NAV2: variants seen among roughly 807,000 people sequenced by gnomAD.
NAV2 encodes neuron navigator 2, also known as helicase, APC down-regulated 1.
A neutral mutation model predicts 223.2 loss-of-function variants in NAV2; 54 were observed. The ratio of observed to expected loss-of-function variants is 0.24; its 90% confidence interval spans 0.19 to 0.30. The LOEUF (loss-of-function observed/expected upper bound fraction) is 0.30, where lower values mean the gene tolerates loss of function less well. Among genes scored for constraint, NAV2 ranks in the 10% least tolerant of loss-of-function variants. The probability of loss-of-function intolerance (pLI) is 1.00; values close to 1 mark genes in which losing one functional copy is unlikely to be tolerated. For synonymous variants in NAV2, 1,279 were observed against 1,239.3 expected (o/e 1.03, Z -0.67); for missense variants, 2,806 against 3,147.5 (o/e 0.89, Z 2.60).
intron 6 of NAV2, among the ~76,000 whole-genome samples, chr11:19,921,600 A>G (rs2707099): frequency 0.99 from 150,433 of 152,360 alleles, 74,291 homozygotes; most frequent in Middle Eastern, 1. Flanking sequence ...TATATCTTGT[A>G]CCCAGAGAAA....
intron 11 of NAV2, among the ~76,000 whole-genome samples, chr11:20,026,353 C>T (rs1020973198): frequency 7.2e-5 from 11 of 151,910 alleles, no homozygotes; most frequent in African/African-American, 2.7e-4. Context: ...CTCTGTCACC[C>T]AGGCTGGAGT....
At chr11:19,902,650 T>C (rs1269975725) in intron 6 of NAV2, among the ~76,000 whole-genome samples, 2 of 152,212 alleles carry the variant, frequency 1.3e-5, no homozygotes, top group Non-Finnish European at 2.9e-5. Context: ...GTGGAAACTA[T>C]CACACATACA....
chr11:20,091,831 T>A (rs186157748), intron 27 of NAV2, among the ~76,000 whole-genome samples: 1 of 152,318 alleles, frequency 6.6e-6, no homozygotes, highest in African/African-American at 2.4e-5. Flanking sequence ...TGTGCCTCTG[T>A]TCAATTCATG....
chr11:19,884,313 T>G (rs2063401061), intron 5 of NAV2: 1 of 1,613,884 alleles, frequency 6.2e-7, no homozygotes, highest in Non-Finnish European at 8.5e-7. Flanking sequence ...CAAGGACTCA[T>G]CTCAAAGCAA....
In NAV2 at chr11:19,933,183, G is replaced by A; in HGVS notation, c.939G>A (p.Leu313=). 6.5e-7 allele frequency: 1 copy of A among 1,529,854 alleles called. No homozygotes were observed. Among genetic ancestry groups the A allele is most frequent in the Non-Finnish European group, 8.8e-7 (1 of 1,136,748 alleles). The allele number at this position is 1,529,854 out of a possible 1,614,324, so 94.8% of individuals were successfully genotyped here. Residue 313 remains leucine, a synonymous_variant, in exon 7 of 38, where the codon TTG becomes TTA. Coordinates refer to ENST00000349880, the MANE Select transcript of NAV2 (RefSeq NM_145117.5). The surrounding 1 kb of genome is among the most constrained non-coding windows in gnomAD (Gnocchi z 4.3). ...PPPSSHEKEP[L]ASSASSHPGM... ...TCTCTTCTGTCTCTGCAGAGCCTTT[G>A]GCAAGTTCAGCCTCCTCCCACCCCG... is the stretch of plus-strand genomic sequence containing the variant.
At chr11:19,549,322 C>T (rs1053159273) in intron 1 of NAV2, among the ~76,000 whole-genome samples, 1 of 152,166 alleles carries the variant, frequency 6.6e-6, no homozygotes, top group South Asian at 2.1e-4. Flanking sequence ...TGGAGCCACT[C>T]GGGAGGCTGC....
intron 1 of NAV2, among the ~76,000 whole-genome samples, chr11:19,545,536 C>T (rs544327234): frequency 7.9e-4 from 121 of 152,216 alleles, no homozygotes; most frequent in Middle Eastern, 3.4e-3. Flanking sequence ...AAATGGGAGT[C>T]AGTTTCTCAT....
intron 1 of NAV2, among the ~76,000 whole-genome samples, chr11:19,586,881 G>A (rs2045916332): frequency 1.3e-5 from 2 of 152,206 alleles, no homozygotes; most frequent in Admixed American, 1.3e-4. Flanking sequence ...TGCGTGCTGT[G>A]GGAACCACTA....
At chr11:19,609,258 C>T (rs2046565908) in intron 1 of NAV2, among the ~76,000 whole-genome samples, 1 of 152,116 alleles carries the variant, frequency 6.6e-6, no homozygotes, top group Admixed American at 6.6e-5. Context: ...ATATTTTAGC[C>T]ATTTATCTTA....
At chr11:19,667,904 G>A (rs541399722) in intron 1 of NAV2, among the ~76,000 whole-genome samples, 11 of 152,258 alleles carry the variant, frequency 7.2e-5, no homozygotes, top group Admixed American at 5.2e-4. Context: ...CTTAAAACCC[G>A]CAGTTACACA....
At chr11:19,497,745 T>C (rs757102904) in intron 1 of NAV2, among the ~76,000 whole-genome samples, 6 of 152,030 alleles carry the variant, frequency 3.9e-5, no homozygotes, top group South Asian at 2.1e-4. Flanking sequence ...GAAAATGGAA[T>C]TCCCTTTTGG....
chr11:19,546,052 A>T (rs1052000606), intron 1 of NAV2, among the ~76,000 whole-genome samples: 16 of 152,192 alleles, frequency 1.1e-4, no homozygotes, highest in African/African-American at 2.9e-4. Flanking sequence ...TTTCCCTCAG[A>T]TGCTTCCAGG....
At position 20,045,243 on chromosome 11, in the gene NAV2, G is replaced by A. The variant is rs770638308; in HGVS notation, c.3475G>A (p.Val1159Ile). ...LGKIPKSSAL[V>I]SRSAGRKSSM... The stretch of plus-strand genomic sequence containing the variant: ...CAAAATCCCAAAGTCATCTGCACTC[G>A]TCAGTCGGTCTGCTGGTCGGAAGTC... The change falls in exon 14 of 38, where the codon GTC becomes ATC. Residue 1159 changes from valine to isoleucine, a missense_variant. By Grantham distance (29) the Val-to-Ile change is conservative. This residue lies in a region of NAV2 where 742 missense variants were observed against 777.9 expected (regional missense o/e 0.95). Coordinates refer to ENST00000349880, the MANE Select transcript of NAV2 (RefSeq NM_145117.5). The A allele has an allele frequency of 2.2e-5, 36 of 1,614,064 alleles. No individual in the cohort carries two copies. Among genetic ancestry groups the A allele is most frequent in the Admixed American group, 1.2e-4 (7 of 60,006 alleles).
In NAV2 at chr11:19,395,062, G is replaced by A. The variant is rs191273956; in HGVS notation, c.75+44035G>A. Among the ~76,000 whole-genome samples, 910 of 152,342 alleles carry A rather than the reference G, an allele frequency of 6.0e-3. 7 individuals carry two copies. Among genetic ancestry groups the A allele is most frequent in the Non-Finnish European group, 6.7e-3 (456 of 68,032 alleles). ...GCCAATGACCTTCCAGGTGGGGACA[G>A]CTTTGGGTTCACACAGTATCTTGAA... On this transcript the variant is annotated intron_variant, in intron 1 of 37. Coordinates refer to the NAV2 transcript ENST00000360655.
intron 11 of NAV2, among the ~76,000 whole-genome samples, chr11:19,984,733 C>A (rs771996419): frequency 2.6e-5 from 4 of 152,190 alleles, no homozygotes; most frequent in Non-Finnish European, 4.4e-5. Flanking sequence ...TTAGACACCA[C>A]ATGCTAAGTA....
rs151139118 is a variant in NAV2 at position 19,618,400 on chromosome 11, AGATG to A, written c.76-214049_76-214046del. 4.1e-3 allele frequency among the ~76,000 whole-genome samples: 274 copies of A among 66,672 alleles called. 3 individuals carry two copies. Among genetic ancestry groups the A allele is most frequent in the African/African-American group, 7.8e-3 (262 of 33,480 alleles). The allele number at this position is 66,672 out of a possible 152,430, so 43.7% of individuals were successfully genotyped here. A position where few individuals can be genotyped will look rare whatever the true frequency, so the allele number is the denominator to read the frequency against. On this transcript the variant is annotated intron_variant, in intron 1 of 37. Transcript: ENST00000360655. ...TGGATGGATGGATGGATGGATGAATAGATGGATGGATGGATGGATGGATGGATGG... is the reference window on the plus strand; with the variant it reads ...TGGATGGATGGATGGATGGATGAATAGATGGATGGATGGATGGATGGATGG...
At chr11:19,541,901 C>G (rs1308825857) in intron 1 of NAV2, among the ~76,000 whole-genome samples, 2 of 152,198 alleles carry the variant, frequency 1.3e-5, no homozygotes, top group African/African-American at 4.8e-5. Context: ...GTGGATCAGT[C>G]TGTAATTGCC....
chr11:19,886,445 G>A (rs974538628), intron 5 of NAV2, among the ~76,000 whole-genome samples: 10 of 152,208 alleles, frequency 6.6e-5, no homozygotes, highest in Admixed American at 1.3e-4. Flanking sequence ...GTTTGTCACC[G>A]CTTCTGGTAG....
At chr11:19,709,414 T>C (rs568433938), upstream of NAV2, among the ~76,000 whole-genome samples, 1,236 of 150,460 alleles carry the variant, frequency 8.2e-3, 8 homozygotes, top group Non-Finnish European at 0.012. Flanking sequence ...TGGTGGCGGG[T>C]GCCTGTAGTC....
Sources: gnomAD v4.1 joint callset for allele counts (sites outside exome capture counted in the v4.1 genomes callset) on GRCh38, gnomAD v4.1.1 for gene constraint, gnomAD v4.1.1 regional missense constraint, Gnocchi (gnomAD v3.1) non-coding constraint, MANE v1.5 for transcripts, NCBI Gene and HGNC (gene_info 2026-07-23, HGNC 2026-07-21) for gene names.